Variants in RBFOX2 observed in about 807,000 individuals in gnomAD.
The protein encoded by RBFOX2 is RNA binding fox-1 homolog 2, also known as RNA binding protein fox-1 homolog 2.
Under a neutral mutation model 49.1 loss-of-function variants are expected in RBFOX2, and 10 were observed. The ratio of observed to expected loss-of-function variants is 0.20; its 90% CI spans 0.13 to 0.35. The LOEUF (loss-of-function observed/expected upper bound fraction) is 0.35, where lower values mean the gene tolerates loss of function less well. Among genes scored for constraint, RBFOX2 ranks in the 10% least tolerant of loss-of-function variants. RBFOX2 has a pLI of 1.00. For missense variants in RBFOX2, 323 were observed against 486.9 expected (o/e 0.66, Z 3.17); for synonymous variants, 183 against 187.4 (o/e 0.98, Z 0.19).
At chr22:35,936,640 A>C (rs566113388) in intron 1 of RBFOX2, among the ~76,000 whole-genome samples, 1 of 152,202 alleles carries the variant, frequency 6.6e-6, no homozygotes, top group African/African-American at 2.4e-5. Flanking sequence ...GCCTCAAAGT[A>C]AATCAGCAGC....
chr22:35,988,611 G>A (rs1282929872), intron 1 of RBFOX2, among the ~76,000 whole-genome samples: 1 of 152,100 alleles, frequency 6.6e-6, no homozygotes, highest in Non-Finnish European at 1.5e-5. Context: ...GTTATAGAGG[G>A]AATGAAGTGA....
chr22:35,859,378 C>CAGGT (rs1177313687), intron 1 of RBFOX2, among the ~76,000 whole-genome samples: 1 of 152,128 alleles, frequency 6.6e-6, no homozygotes, highest in Non-Finnish European at 1.5e-5. Context: ...GAAAGGCAGG[C>CAGGT]AGGTCAGCAT....
rs374223699 is a variant in RBFOX2, at chr22:35,938,837, A to G, written c.-34+10T>C. 1.9e-5 allele frequency: 30 copies of G among 1,611,502 alleles called. No individual in the cohort carries two copies. Among genetic ancestry groups the G allele is most frequent in the Non-Finnish European group, 2.5e-5 (29 of 1,177,684 alleles). On this transcript the variant is annotated intron_variant, in intron 1 of 13. Transcript: ENST00000359369. ...ATACATCATCTGAGTTACAAACAGCAGATACCAACCTGGCTGTCCCGCGCT... is the reference window on the plus strand; with the variant it reads ...ATACATCATCTGAGTTACAAACAGCGGATACCAACCTGGCTGTCCCGCGCT...
At chr22:36,021,880 G>A (rs1002851526) in intron 1 of RBFOX2, among the ~76,000 whole-genome samples, 1 of 152,182 alleles carries the variant, frequency 6.6e-6, no homozygotes, top group East Asian at 1.9e-4. Flanking sequence ...CCTTAGCCAT[G>A]TAAGCTGCCT....
intron 1 of RBFOX2, among the ~76,000 whole-genome samples, chr22:35,907,481 C>T (rs1010675538): frequency 3.9e-5 from 6 of 152,210 alleles, no homozygotes; most frequent in Admixed American, 2.0e-4. Context: ...AACCAGACAG[C>T]GCCATATTAG....
chr22:35,758,238 G>C (rs990340642), intron 9 of RBFOX2, among the ~76,000 whole-genome samples: 1 of 152,150 alleles, frequency 6.6e-6, no homozygotes, highest in Non-Finnish European at 1.5e-5. Flanking sequence ...TAGACATAAA[G>C]ATAAAATATC....
chr22:35,962,706 T>G (rs1036312927), upstream of RBFOX2, among the ~76,000 whole-genome samples: 2 of 152,142 alleles, frequency 1.3e-5, no homozygotes, highest in African/African-American at 4.8e-5. Flanking sequence ...GTATTTTCTT[T>G]GCTTAATCCA....
intron 1 of RBFOX2, among the ~76,000 whole-genome samples, chr22:35,828,818 G>C (rs887184770): frequency 6.6e-6 from 1 of 152,188 alleles, no homozygotes; most frequent in Non-Finnish European, 1.5e-5. Flanking sequence ...TTGGGAGGCC[G>C]AGGCGGGCGG....
upstream of RBFOX2, among the ~76,000 whole-genome samples, chr22:35,965,661 C>G (rs1025731053): frequency 1.3e-5 from 2 of 152,172 alleles, no homozygotes; most frequent in African/African-American, 4.8e-5. Flanking sequence ...TTTCCTGTGG[C>G]TGTTTGAAAC....
At chr22:35,864,361 G>A (rs2043434902) in intron 1 of RBFOX2, among the ~76,000 whole-genome samples, 1 of 152,030 alleles carries the variant, frequency 6.6e-6, no homozygotes, top group African/African-American at 2.4e-5. Context: ...GCAATTTAAG[G>A]AATTTACATA....
intron 1 of RBFOX2, chr22:35,822,707 G>A (rs1954784979): frequency 2.6e-6 from 1 of 378,664 alleles, no homozygotes; most frequent in African/African-American, 2.1e-5. Context: ...CCCTAAATAT[G>A]AGACTAAAGG....
rs1376849112 is a variant in RBFOX2 at position 35,993,232 on chromosome 22, A to G, written c.186+35008T>C. 6 of 152,230 alleles carry G rather than the reference A, an allele frequency of 3.9e-5. No homozygotes were observed. The East Asian group carries it at 1.2e-3, about 29-fold the overall frequency. The allele number at this position is 152,230 out of a possible 1,614,324, so 9.4% of individuals were successfully genotyped here. A position where few individuals can be genotyped will look rare whatever the true frequency, so the allele number is the denominator to read the frequency against. ...AGTTTGCATCATCAAAATGAATCGAATTGTTCCAAGTAATACTGAAATAGC... is the reference window on the plus strand; with the variant it reads ...AGTTTGCATCATCAAAATGAATCGAGTTGTTCCAAGTAATACTGAAATAGC... On this transcript the variant is annotated intron_variant, in intron 1 of 13. Transcript: ENST00000438146.
chr22:35,888,220 G>A (rs1218788685), intron 1 of RBFOX2, among the ~76,000 whole-genome samples: 2 of 152,050 alleles, frequency 1.3e-5, no homozygotes, highest in South Asian at 4.1e-4. Flanking sequence ...ACAAATCTTA[G>A]GCCTACTTCA....
intron 1 of RBFOX2, among the ~76,000 whole-genome samples, chr22:35,908,841 T>C (rs923444397): frequency 2.7e-5 from 4 of 150,874 alleles, no homozygotes; most frequent in Admixed American, 2.6e-4. Context: ...CAATTTCTCA[T>C]CTATTTTTTT....
chr22:35,966,805 T>A (rs1173494242), intron 1 of RBFOX2, among the ~76,000 whole-genome samples: 2 of 152,150 alleles, frequency 1.3e-5, no homozygotes, highest in Non-Finnish European at 2.9e-5. Context: ...CTTTCTTTTA[T>A]ATACATATAA....
intron 1 of RBFOX2, among the ~76,000 whole-genome samples, chr22:35,833,025 C>T (rs773376748): frequency 3.3e-5 from 5 of 152,040 alleles, no homozygotes; most frequent in East Asian, 1.9e-4. Flanking sequence ...ACACATTATA[C>T]GCATGTATCA....
chr22:35,848,578 A>ACT (rs1326745937), intron 1 of RBFOX2, among the ~76,000 whole-genome samples: 1 of 152,218 alleles, frequency 6.6e-6, no homozygotes, highest in African/African-American at 2.4e-5. Context: ...TTTAGGCCCA[A>ACT]AATACCTAAT....
exon 12 of RBFOX2, chr22:35,741,078 T>C (rs1008324567): frequency 3.9e-5 from 6 of 152,236 alleles, no homozygotes; most frequent in African/African-American, 1.4e-4. Context: ...TAGTAGGTTT[T>C]GTTAAACCTG....
At chr22:35,858,469 T>C (rs945740543) in intron 1 of RBFOX2, among the ~76,000 whole-genome samples, 5 of 152,196 alleles carry the variant, frequency 3.3e-5, no homozygotes, top group African/African-American at 1.2e-4. Flanking sequence ...ATACTTATTT[T>C]ATTGATTAGA....
Sources: allele counts gnomAD v4.1 joint callset (sites outside exome capture counted in the v4.1 genomes callset), GRCh38; gene constraint gnomAD v4.1.1; transcripts MANE v1.5; gene names NCBI Gene and HGNC (gene_info 2026-07-23, HGNC 2026-07-21).